Variants in MAML2 observed in about 807,000 individuals in gnomAD.
The protein encoded by MAML2 is mastermind like transcriptional coactivator 2.
In MAML2, 22 loss-of-function variants were observed where a neutral mutation model predicts 96.1. That is an observed-to-expected ratio of 0.23 (90% CI 0.16 to 0.33). The LOEUF (loss-of-function observed/expected upper bound fraction) is 0.33. MAML2 is among the 10% of genes least tolerant of loss of function. The probability of loss-of-function intolerance (pLI) is 1.00; values close to 1 mark genes in which losing one functional copy is unlikely to be tolerated. For missense variants in MAML2, 1,367 were observed against 1,392.4 expected (o/e 0.98, Z 0.29); for synonymous variants, 561 against 521.3 (o/e 1.08, Z -1.04).
intron 1 of MAML2, among the ~76,000 whole-genome samples, chr11:96,119,829 T>G (rs964226301): frequency 2.0e-5 from 3 of 152,246 alleles, no homozygotes; most frequent in Admixed American, 1.3e-4. Context: ...TATTTAAATA[T>G]TAATTGTAGC....
At chr11:96,300,537 G>A (rs938075856) in intron 1 of MAML2, among the ~76,000 whole-genome samples, 1 of 152,214 alleles carries the variant, frequency 6.6e-6, no homozygotes, top group Admixed American at 6.5e-5. Flanking sequence ...AGTAAAAGGA[G>A]AGAAATGTTC....
At chr11:96,118,165 G>C (rs1209972833) in intron 1 of MAML2, among the ~76,000 whole-genome samples, 2 of 152,162 alleles carry the variant, frequency 1.3e-5, no homozygotes, top group Non-Finnish European at 2.9e-5. Flanking sequence ...AGTGATAGGG[G>C]CTCTAGGAGA....
In MAML2 at chr11:96,342,477, G is replaced by T. The variant is rs1407751870; in HGVS notation, c.-582C>A. On this transcript the variant is annotated 5_prime_UTR_variant, in exon 1 of 5. Coordinates refer to ENST00000524717, the MANE Select transcript of MAML2 (RefSeq NM_032427.4). ...AAAAACCAAAACAAAACAAAACAGTGCTGTTTCAGAAGATGTTTAAGTCAC... is the reference window on the plus strand; with the variant it reads ...AAAAACCAAAACAAAACAAAACAGTTCTGTTTCAGAAGATGTTTAAGTCAC... The T allele has an allele frequency of 2.0e-5, 8 of 398,488 alleles. 1 individual carries two copies. Among genetic ancestry groups the T allele is most frequent in the Non-Finnish European group, 1.8e-5 (4 of 226,120 alleles). 24.7% of individuals were successfully genotyped at this position (398,488 alleles called of 1,614,324 possible). A position where few individuals can be genotyped will look rare whatever the true frequency, so the allele number is the denominator to read the frequency against.
At chr11:95,997,208 G>A (rs2186770) in intron 2 of MAML2, among the ~76,000 whole-genome samples, 24,631 of 151,982 alleles carry the variant, frequency 0.16, 2,257 homozygotes, top group East Asian at 0.35. Flanking sequence ...AATAGGTTTC[G>A]CATCCAATCC....
In MAML2 at chr11:95,998,137, T is replaced by TGTCA. The variant is rs1369356350; in HGVS notation, c.2140-6418_2140-6415dup. Among the ~76,000 whole-genome samples, 19 of 125,974 alleles carry TGTCA rather than the reference T, an allele frequency of 1.5e-4. 1 individual carries two copies. The highest frequency in any genetic ancestry group is 3.8e-4 in the African/African-American group (12 of 31,414). 82.6% of individuals were successfully genotyped at this position (125,974 alleles called of 152,430 possible). ...TTTTCTATCTATCTGTCTGTCTGTC[T>TGTCA]GTCAGTCTGTCTGTCTGTCTGTCTG... On this transcript the variant is annotated intron_variant, in intron 2 of 4. Transcript: ENST00000524717.
intron 4 of MAML2, among the ~76,000 whole-genome samples, chr11:95,981,943 G>C (rs552688339): frequency 7.2e-4 from 109 of 152,230 alleles, no homozygotes; most frequent in South Asian, 1.2e-3. Context: ...CCAGAATAGA[G>C]AGAATTTCCA....
At chr11:96,034,828 G>A (rs1349599709) in intron 2 of MAML2, among the ~76,000 whole-genome samples, 1 of 152,098 alleles carries the variant, frequency 6.6e-6, no homozygotes, top group Non-Finnish European at 1.5e-5. Context: ...ATTTTTGGGG[G>A]TCAGAGTTAT....
intron 1 of MAML2, among the ~76,000 whole-genome samples, chr11:96,308,915 C>T (rs557556229): frequency 2.0e-5 from 3 of 152,302 alleles, no homozygotes; most frequent in African/African-American, 7.2e-5. Flanking sequence ...GTGAACCATA[C>T]ATGTGCTATA....
intron 1 of MAML2, among the ~76,000 whole-genome samples, chr11:96,308,077 C>A (rs2136002521): frequency 6.6e-6 from 1 of 152,248 alleles, no homozygotes; most frequent in South Asian, 2.1e-4. Context: ...TAGACTCAGG[C>A]CTTACACAGT....
chr11:95,988,393 A>C (rs1180498585), intron 3 of MAML2, among the ~76,000 whole-genome samples: 3 of 151,468 alleles, frequency 2.0e-5, no homozygotes, highest in Admixed American at 6.6e-5. Flanking sequence ...CAAGTAGCTG[A>C]GATTACAGGT....
At chr11:96,026,390 T>C (rs148483234) in intron 2 of MAML2, among the ~76,000 whole-genome samples, 10 of 152,196 alleles carry the variant, frequency 6.6e-5, no homozygotes, top group African/African-American at 2.4e-4. Context: ...CCAAGAGAGA[T>C]AATAGTTGGG....
intron 1 of MAML2, among the ~76,000 whole-genome samples, chr11:96,320,237 C>T (rs1863682662): frequency 6.6e-6 from 1 of 152,192 alleles, no homozygotes; most frequent in Non-Finnish European, 1.5e-5. Context: ...TGTCACCTGT[C>T]AACTAACAAA....
At chr11:96,170,229 G>A (rs746362155) in intron 1 of MAML2, among the ~76,000 whole-genome samples, 1 of 152,122 alleles carries the variant, frequency 6.6e-6, no homozygotes, top group Non-Finnish European at 1.5e-5. Context: ...CACAAACAAG[G>A]GAATCCCAGC....
intron 1 of MAML2, among the ~76,000 whole-genome samples, chr11:96,324,826 G>A (rs1863752590): frequency 6.6e-6 from 1 of 152,124 alleles, no homozygotes; most frequent in African/African-American, 2.4e-5. Context: ...AATCTTGGTG[G>A]CAGAGAAGAG....
At position 95,978,027 on chromosome 11, in the gene MAML2, G is replaced by A. The variant is rs756695429; in HGVS notation, c.*921C>T. On this transcript the variant is annotated 3_prime_UTR_variant, in exon 5 of 5. Transcript: ENST00000524717. ...AGTCATCAAAATGAGTAGGGAGGAC[G>A]AGGTTCAATTTCACTCAGCTTGGGA... is the stretch of plus-strand genomic sequence containing the variant. The A allele has an allele frequency of 1.8e-5, 4 of 219,266 alleles. No homozygotes were observed. Among genetic ancestry groups the A allele is most frequent in the East Asian group, 1.3e-4 (2 of 14,932 alleles). The allele number at this position is 219,266 out of a possible 1,614,324, so 13.6% of individuals were successfully genotyped here.
At chr11:96,327,221 T>C (rs910197868) in intron 1 of MAML2, among the ~76,000 whole-genome samples, 2 of 152,152 alleles carry the variant, frequency 1.3e-5, no homozygotes, top group African/African-American at 4.8e-5. Flanking sequence ...TGTGGGTTGC[T>C]GATGGGGAAA....
At chr11:96,036,564 G>C (rs1858715612) in intron 2 of MAML2, among the ~76,000 whole-genome samples, 1 of 152,118 alleles carries the variant, frequency 6.6e-6, no homozygotes, top group African/African-American at 2.4e-5. Context: ...CGATAGGATG[G>C]CAAATAGGGA....
At chr11:96,137,838 C>T (rs2135862642) in intron 1 of MAML2, among the ~76,000 whole-genome samples, 1 of 152,234 alleles carries the variant, frequency 6.6e-6, no homozygotes, top group African/African-American at 2.4e-5. Context: ...ATACTTGGTT[C>T]CTAAGACTGT....
intron 2 of MAML2, among the ~76,000 whole-genome samples, chr11:96,067,516 A>G (rs1729546964): frequency 1.3e-5 from 2 of 152,128 alleles, no homozygotes; most frequent in Admixed American, 6.5e-5. Flanking sequence ...TTATCACATG[A>G]TCTTCTTACT....
Sources: allele counts gnomAD v4.1 joint callset (sites outside exome capture counted in the v4.1 genomes callset), GRCh38; gene constraint gnomAD v4.1.1; transcripts MANE v1.5; gene names NCBI Gene and HGNC (gene_info 2026-07-23, HGNC 2026-07-21).